The following DIS3L2 variants were observed in gnomAD, a reference collection of about 807,000 sequenced individuals.
The protein encoded by DIS3L2 is DIS3 like 3'-5' exoribonuclease 2, also known as DIS3-like exonuclease 2.
Under a neutral mutation model 97.5 loss-of-function variants are expected in DIS3L2, and 34 were observed. The observed-to-expected ratio is 0.35, with a 90% CI of 0.27 to 0.46. DIS3L2 has a LOEUF of 0.46. Ranked by LOEUF, DIS3L2 falls within the 20% of genes least tolerant of loss-of-function variation. The pLI, the probability that DIS3L2 is intolerant of heterozygous loss-of-function variation, is 1.00. For synonymous variants in DIS3L2, 435 were observed against 445.2 expected (o/e 0.98, Z 0.29); for missense variants, 1,038 against 1,146.0 (o/e 0.91, Z 1.36).
chr2:232,249,069 A>T (rs1227554460), intron 11 of DIS3L2, among the ~76,000 whole-genome samples, 170 bp from the exon 12 acceptor site: 1 of 152,204 alleles, frequency 6.6e-6, no homozygotes. Flanking sequence ...CTAGAGGCGC[A>T]TGGAAAAGTA....
At chr2:232,331,592 C>T (rs899818038) in intron 16 of DIS3L2, 2 of 152,222 alleles carry the variant, frequency 1.3e-5, no homozygotes, top group Non-Finnish European at 2.9e-5. Flanking sequence ...AAGTGTCTGC[C>T]CAGCCAAGCA....
intron 6 of DIS3L2, among the ~76,000 whole-genome samples, chr2:232,104,022 C>G (rs1310281520): frequency 6.6e-6 from 1 of 151,928 alleles, no homozygotes; most frequent in East Asian, 1.9e-4. Context: ...TTAACACTAG[C>G]TAGTGACTTA....
chr2:232,015,625 C>A lies in DIS3L2; in HGVS notation c.164C>A (p.Ser55Tyr), dbSNP rs1439183614. The A allele has an allele frequency of 3.1e-6, 5 of 1,613,878 alleles. No individual in the cohort carries two copies. The highest frequency in any genetic ancestry group is 3.4e-6 in the Non-Finnish European group (4 of 1,179,890). Residue 55 changes from serine (S) to tyrosine (Y), a missense_variant, in exon 3 of 21, where the codon TCC becomes TAC. By Grantham distance (144) the Ser-to-Tyr change is moderately radical (BLOSUM62 -2). Transcript: ENST00000325385. ...KKKSIFETYMSKEDVSEGLKR... is the reference protein window; with the variant it reads ...KKKSIFETYMYKEDVSEGLKR... ...AAGAGCATATTTGAAACTTACATGT[C>A]CAAGGAGGATGTTTCAGAAGGCTTG...
intron 3 of DIS3L2, among the ~76,000 whole-genome samples, chr2:232,020,553 C>T (rs1322844870): frequency 6.6e-6 from 1 of 152,090 alleles, no homozygotes; most frequent in Non-Finnish European, 1.5e-5. Context: ...CAGAGAAAAG[C>T]AAGGGTTGGA....
chr2:232,112,591 C>T (rs945190802), intron 6 of DIS3L2, among the ~76,000 whole-genome samples: 3 of 152,082 alleles, frequency 2.0e-5, no homozygotes, highest in African/African-American at 7.2e-5. Context: ...ACTCCTGTCC[C>T]AAGGAAAACC....
rs575081768 is a variant in DIS3L2, at chr2:232,332,680, C to T, written c.2011-1160C>T. ...CTGCCCAGCACAAGGGCCTTTGGAA[C>T]TCAGCCCTCTGTGTCTCAGCCCCCG... On this transcript the variant is annotated intron_variant, in intron 16 of 20. Coordinates refer to ENST00000325385, the MANE Select transcript of DIS3L2 (RefSeq NM_152383.5). 5.9e-5 allele frequency among the ~76,000 whole-genome samples: 9 copies of T among 152,280 alleles called. No individual in the cohort carries two copies. The South Asian group carries it at 6.2e-4, about 11-fold the overall frequency.
intron 6 of DIS3L2, among the ~76,000 whole-genome samples, chr2:232,123,167 T>C (rs1033233361): frequency 6.6e-6 from 1 of 152,108 alleles, no homozygotes; most frequent in Non-Finnish European, 1.5e-5. Context: ...TGGGAAGAGC[T>C]TGGACGTGGA....
chr2:232,036,362 G>A (rs1267946379), intron 5 of DIS3L2, among the ~76,000 whole-genome samples: 1 of 152,044 alleles, frequency 6.6e-6, no homozygotes, highest in Non-Finnish European at 1.5e-5. Flanking sequence ...GTGTTTTTTA[G>A]CTCTATCTAG....
intron 9 of DIS3L2, among the ~76,000 whole-genome samples, chr2:232,176,178 A>C (rs1691146390): frequency 6.6e-6 from 1 of 152,242 alleles, no homozygotes; most frequent in South Asian, 2.1e-4. Context: ...GGCGTGAGCC[A>C]CCGCACCCGG....
intron 12 of DIS3L2, among the ~76,000 whole-genome samples, chr2:232,262,608 A>C (rs971042456): frequency 2.6e-5 from 4 of 152,182 alleles, no homozygotes; most frequent in African/African-American, 9.7e-5. Flanking sequence ...TATAATATAC[A>C]GTTCAGCCCC....
At chr2:232,192,372 C>A (rs1691637888) in intron 9 of DIS3L2, among the ~76,000 whole-genome samples, 1 of 152,082 alleles carries the variant, frequency 6.6e-6, no homozygotes, top group Non-Finnish European at 1.5e-5. Context: ...GTTTTGGAAT[C>A]TCTAACTCAC....
intron 5 of DIS3L2, among the ~76,000 whole-genome samples, chr2:232,034,604 T>C (rs1260731121): frequency 1.3e-5 from 2 of 152,242 alleles, no homozygotes; most frequent in African/African-American, 4.8e-5. Context: ...TGTGGGCATT[T>C]AGTGCTATAA....
chr2:232,106,988 C>T lies in DIS3L2; in HGVS notation c.601+19267C>T, dbSNP rs1697375085. 2.0e-5 allele frequency among the ~76,000 whole-genome samples: 3 copies of T among 152,170 alleles called. No homozygotes were observed. In the South Asian group the frequency reaches 6.2e-4, roughly 32 times the overall value. ...ATGCAACCACATGGAAATTAAACAACCTGCTCCTGAATGACTTTTGGGTAA... is the reference window on the plus strand; with the variant it reads ...ATGCAACCACATGGAAATTAAACAATCTGCTCCTGAATGACTTTTGGGTAA... On this transcript the variant is annotated intron_variant, in intron 6 of 20. Transcript: ENST00000325385.
chr2:232,130,797 G>A, intron 7 of DIS3L2, 78 bp downstream of exon 7: 1 of 1,554,282 alleles, frequency 6.4e-7, no homozygotes, highest in Non-Finnish European at 8.7e-7. Context: ...GTGTGATTCA[G>A]TCAGGACTGT....
intron 5 of DIS3L2, among the ~76,000 whole-genome samples, chr2:232,051,599 T>C (rs1695402520): frequency 6.6e-6 from 1 of 151,136 alleles, no homozygotes; most frequent in Non-Finnish European, 1.5e-5. Context: ...GATCACGAGG[T>C]CAGGAGATCG....
At chr2:232,319,847 A>G (rs1559210720) in intron 14 of DIS3L2, among the ~76,000 whole-genome samples, 1 of 152,184 alleles carries the variant, frequency 6.6e-6, no homozygotes, top group Non-Finnish European at 1.5e-5. Flanking sequence ...ACGCTTTGGC[A>G]TGGTCTGGCC....
intron 6 of DIS3L2, among the ~76,000 whole-genome samples, chr2:232,110,774 G>C (rs1375861550): frequency 2.0e-5 from 3 of 152,056 alleles, no homozygotes; most frequent in African/African-American, 7.2e-5. Flanking sequence ...TGGGTGATGG[G>C]ATGATCTGTA....
At chr2:232,270,044 G>A (rs1273294846) in intron 13 of DIS3L2, among the ~76,000 whole-genome samples, 2 of 152,154 alleles carry the variant, frequency 1.3e-5, no homozygotes, top group African/African-American at 4.8e-5. Context: ...ATTAGATGCG[G>A]AGGGGAGGGG....
chr2:232,202,642 C>T (rs1691925420), intron 9 of DIS3L2, among the ~76,000 whole-genome samples: 2 of 152,322 alleles, frequency 1.3e-5, no homozygotes, highest in Middle Eastern at 3.4e-3. Flanking sequence ...GTGAAAAGGG[C>T]CTGCCCACAG....
Sources: allele counts gnomAD v4.1 joint callset (sites outside exome capture counted in the v4.1 genomes callset), GRCh38; gene constraint gnomAD v4.1.1; transcripts MANE v1.5; gene names NCBI Gene and HGNC (gene_info 2026-07-23, HGNC 2026-07-21).